DPH6: variants seen among roughly 807,000 people sequenced by gnomAD.
DPH6 encodes diphthamine biosynthesis 6.
Under a neutral mutation model 38.2 loss-of-function variants are expected in DPH6, and 33 were observed. The ratio of observed to expected loss-of-function variants is 0.86; its 90% CI spans 0.65 to 1.15. DPH6 has a LOEUF of 1.15. Ranked by LOEUF, DPH6 falls within the 50% of genes most tolerant of loss-of-function variation. DPH6 has a pLI of 0.00. For synonymous variants in DPH6, 108 were observed against 103.0 expected (o/e 1.05, Z -0.30); for missense variants, 325 against 320.0 (o/e 1.02, Z -0.12).
intron 3 of DPH6, among the ~76,000 whole-genome samples, chr15:35,286,561 T>C (rs1431967061): frequency 2.0e-5 from 3 of 152,184 alleles, no homozygotes; most frequent in African/African-American, 7.2e-5. Flanking sequence ...TCATAAGACA[T>C]TGAGAGTTAA....
At chr15:35,436,302 TA>T (rs1444660303) in intron 5 of DPH6, among the ~76,000 whole-genome samples, 1 of 150,856 alleles carries the variant, frequency 6.6e-6, no homozygotes, top group Admixed American at 6.6e-5. Flanking sequence ...CCGTCTCTAC[TA>T]AAAATACAAA....
intron 5 of DPH6, among the ~76,000 whole-genome samples, chr15:35,439,064 T>C (rs1386331221): frequency 2.0e-5 from 3 of 152,208 alleles, no homozygotes; most frequent in African/African-American, 7.2e-5. Context: ...TTTAGCAAAA[T>C]TTATAAAGAG....
chr15:35,459,737 G>T (rs978779837), intron 3 of DPH6, among the ~76,000 whole-genome samples: 1 of 152,068 alleles, frequency 6.6e-6, no homozygotes, highest in Admixed American at 6.5e-5. Context: ...GAAGACGTTC[G>T]AAAAGAGTGG....
chr15:35,313,066 A>G (rs2052157920), intron 3 of DPH6, among the ~76,000 whole-genome samples: 2 of 151,966 alleles, frequency 1.3e-5, no homozygotes. Context: ...CATCTCTACT[A>G]AAAATACAAA....
chr15:35,168,854 C>T, the DPH6 span, among the ~76,000 whole-genome samples: 3 of 152,054 alleles, frequency 2.0e-5, no homozygotes, highest in Non-Finnish European at 4.4e-5. Flanking sequence ...TTCTTTCCTT[C>T]CTGAATGAGA....
chr15:35,174,657 A>C, the DPH6 span, among the ~76,000 whole-genome samples: 1 of 152,216 alleles, frequency 6.6e-6, no homozygotes, highest in Non-Finnish European at 1.5e-5. Context: ...TCAAAGTAAA[A>C]ATCTAGAAGA....
intron 3 of DPH6, among the ~76,000 whole-genome samples, chr15:35,532,525 A>G (rs1457296332): frequency 2.0e-5 from 3 of 152,198 alleles, no homozygotes; most frequent in African/African-American, 7.2e-5. Context: ...GAAGTCTCAC[A>G]GTAGGGCCTA....
intron 5 of DPH6, among the ~76,000 whole-genome samples, chr15:35,413,076 T>C (rs2053389476): frequency 6.6e-6 from 1 of 151,558 alleles, no homozygotes; most frequent in East Asian, 1.9e-4. Flanking sequence ...GGTCATGCGG[T>C]ATGGGGTCAG....
At chr15:35,369,562 G>A (rs1234738240), downstream of DPH6, among the ~76,000 whole-genome samples, 2 of 150,132 alleles carry the variant, frequency 1.3e-5, no homozygotes, top group African/African-American at 4.9e-5. Flanking sequence ...CTGTGACTGA[G>A]AGGCATATCA....
At chr15:35,176,222 A>T in the DPH6 span, among the ~76,000 whole-genome samples, 1 of 152,198 alleles carries the variant, frequency 6.6e-6, no homozygotes, top group South Asian at 2.1e-4. Flanking sequence ...GAGCTGCTGA[A>T]ATTAAATCTT....
chr15:35,453,674 A>G (rs749198148), intron 4 of DPH6, among the ~76,000 whole-genome samples: 1 of 152,108 alleles, frequency 6.6e-6, no homozygotes, highest in South Asian at 2.1e-4. Context: ...TCTAAAATGT[A>G]AGATCATATT....
chr15:35,445,451 T>C (rs1001473045), intron 5 of DPH6, among the ~76,000 whole-genome samples: 6 of 150,758 alleles, frequency 4.0e-5, no homozygotes, highest in South Asian at 4.2e-4. Context: ...TTGAACATCA[T>C]GAATATGAAC....
At chr15:35,226,699 A>T (rs1336704729) in intron 3 of DPH6, among the ~76,000 whole-genome samples, 1 of 152,230 alleles carries the variant, frequency 6.6e-6, no homozygotes, top group African/African-American at 2.4e-5. Flanking sequence ...AAAAATGGAA[A>T]GATATTCCAT....
chr15:35,241,811 G>A (rs370121551), intron 3 of DPH6, among the ~76,000 whole-genome samples: 6 of 142,796 alleles, frequency 4.2e-5, no homozygotes, highest in African/African-American at 1.5e-4. Context: ...GTTATCACTC[G>A]CCTGCTACAG....
At chr15:35,468,277 T>C (rs1430895319) in intron 3 of DPH6, among the ~76,000 whole-genome samples, 1 of 152,198 alleles carries the variant, frequency 6.6e-6, no homozygotes, top group Non-Finnish European at 1.5e-5. Flanking sequence ...AGGTCAAGAA[T>C]AGCTGCATAA....
chr15:35,513,530 A>T (rs963357872), intron 3 of DPH6, among the ~76,000 whole-genome samples: 1 of 152,028 alleles, frequency 6.6e-6, no homozygotes, highest in African/African-American at 2.4e-5. Flanking sequence ...GAAAGCAAAA[A>T]GGATATCATC....
intron 5 of DPH6, among the ~76,000 whole-genome samples, chr15:35,447,633 G>C (rs2053872965): frequency 6.6e-6 from 1 of 152,082 alleles, no homozygotes; most frequent in African/African-American, 2.4e-5. Flanking sequence ...TTATGGATAG[G>C]CCTTAATTTG....
chr15:35,210,191 G>A, the DPH6 span, among the ~76,000 whole-genome samples: 1 of 152,084 alleles, frequency 6.6e-6, no homozygotes, highest in Admixed American at 6.6e-5. Context: ...TACAGGAAAG[G>A]GAAATTAAGG....
the DPH6 span, among the ~76,000 whole-genome samples, chr15:35,146,212 TAAAAC>T: frequency 6.6e-6 from 1 of 152,116 alleles, no homozygotes; most frequent in African/African-American, 2.4e-5. Context: ...TTATGATAGA[TAAAAC>T]AAAGTAAGCT....
Sources: allele counts gnomAD v4.1 joint callset (sites outside exome capture counted in the v4.1 genomes callset), GRCh38; gene constraint gnomAD v4.1.1; transcripts MANE v1.5; gene names NCBI Gene and HGNC (gene_info 2026-07-23, HGNC 2026-07-21).